GDAP1: variants seen among roughly 807,000 people sequenced by gnomAD.
GDAP1 encodes the protein ganglioside induced differentiation associated protein 1.
GDAP1 carries 34 observed loss-of-function variants against 40.1 expected under a neutral mutation model. That is an observed-to-expected ratio of 0.85 (90% CI 0.64 to 1.13). The LOEUF (loss-of-function observed/expected upper bound fraction) is 1.13. Among genes scored for constraint, GDAP1 ranks in the 50% most tolerant of loss-of-function variants. GDAP1 has a pLI of 0.00. For synonymous variants in GDAP1, 170 were observed against 157.4 expected, an observed-to-expected ratio of 1.08 and a Z score of -0.60; for missense variants, 374 against 433.7, an observed-to-expected ratio of 0.86 and a Z score of 1.22.
intron 2 of GDAP1, among the ~76,000 whole-genome samples, chr8:74,412,885 C>T (rs1257799692): frequency 7.6e-5 from 11 of 145,664 alleles, no homozygotes; most frequent in African/African-American, 2.2e-4. Flanking sequence ...GGTGAAACCC[C>T]GTCTCTACTA....
chr8:74,437,932 A>C (rs1013682784), intron 2 of GDAP1, among the ~76,000 whole-genome samples: 18 of 152,136 alleles, frequency 1.2e-4, no homozygotes, highest in African/African-American at 3.9e-4. Flanking sequence ...GCACATGTGC[A>C]CTTGTCCACA....
chr8:74,363,956 T>C, intron 5 of GDAP1, 29 bp from the exon 6 acceptor site: 2 of 1,610,714 alleles, frequency 1.2e-6, no homozygotes, highest in Non-Finnish European at 1.7e-6. Context: ...TGCTTGCCTC[T>C]AATTCTCTAT....
rs112829936 is a variant in GDAP1 at position 74,428,227 on chromosome 8, TAACAACAACAACAACAACAAC to T, written c.166-60445_166-60425del. On this transcript the variant is annotated intron_variant, in intron 2 of 2. Transcript: ENST00000523640. ...GGGCCACATAGTGAGACCCCATTGC[TAACAACAACAACAACAACAAC>T]AACAATAACAACAACAACAACAAAA... is the stretch of plus-strand genomic sequence containing the variant. Among the ~76,000 whole-genome samples, 1,177 of 151,366 alleles carry T rather than the reference TAACAACAACAACAACAACAAC, an allele frequency of 7.8e-3. 18 individuals carry two copies. The highest frequency in any genetic ancestry group is 0.028 in the African/African-American group (1,135 of 41,188).
At chr8:74,483,515 A>G (rs1274300091) in intron 2 of GDAP1, among the ~76,000 whole-genome samples, 1 of 152,148 alleles carries the variant, frequency 6.6e-6, no homozygotes, top group Non-Finnish European at 1.5e-5. Flanking sequence ...CTCTCAAGAT[A>G]AAGTATTGGA....
intron 2 of GDAP1, among the ~76,000 whole-genome samples, chr8:74,359,325 C>T (rs1397906155): frequency 1.3e-5 from 2 of 152,122 alleles, no homozygotes; most frequent in South Asian, 2.1e-4. Context: ...ATTTATTAAA[C>T]ACCTACTACA....
intron 2 of GDAP1, among the ~76,000 whole-genome samples, chr8:74,464,007 A>G (rs1806436468): frequency 6.6e-6 from 1 of 152,214 alleles, no homozygotes; most frequent in Non-Finnish European, 1.5e-5. Context: ...ACTAAAGGAA[A>G]TGTGGAGGAA....
At chr8:74,423,037 A>C (rs1016834271) in intron 2 of GDAP1, among the ~76,000 whole-genome samples, 14 of 147,986 alleles carry the variant, frequency 9.5e-5, no homozygotes, top group Non-Finnish European at 1.5e-4. Flanking sequence ...ACTATAATAT[A>C]TATGCTATTA....
At chr8:74,417,022 C>T (rs561426488) in intron 2 of GDAP1, among the ~76,000 whole-genome samples, 5 of 146,820 alleles carry the variant, frequency 3.4e-5, no homozygotes, top group East Asian at 2.0e-4. Flanking sequence ...CCCTGGTGCT[C>T]GTGAAGTTTC....
At chr8:74,437,252 G>C (rs1305085514) in intron 2 of GDAP1, among the ~76,000 whole-genome samples, 1 of 152,120 alleles carries the variant, frequency 6.6e-6, no homozygotes, top group Non-Finnish European at 1.5e-5. Context: ...AGATTACCTG[G>C]TTTAACTCTC....
rs746326231 is a variant in GDAP1 at position 74,364,979 on chromosome 8, A to G, written c.*612A>G. On this transcript the variant is annotated 3_prime_UTR_variant, in exon 6 of 6. Coordinates refer to ENST00000220822, the MANE Select transcript of GDAP1 (RefSeq NM_018972.4). ...TTAAGATGATTCCTTACCATTTCAG[A>G]TGGTCCGCAATTTGAATTACCAAGT... 5.1e-5 allele frequency: 23 copies of G among 453,968 alleles called. No individual in the cohort carries two copies. The highest frequency in any genetic ancestry group is 1.2e-4 in the Admixed American group (5 of 42,552). The allele number at this position is 453,968 out of a possible 1,614,324, so 28.1% of individuals were successfully genotyped here.
chr8:74,452,384 C>T lies in GDAP1; in HGVS notation c.166-36294C>T, dbSNP rs1454587439. 2.4e-5 allele frequency among the ~76,000 whole-genome samples: 2 copies of T among 83,476 alleles called. 1 individual carries two copies. Among genetic ancestry groups the T allele is most frequent in the African/African-American group, 1.0e-4 (2 of 19,090 alleles). The allele number at this position is 83,476 out of a possible 152,430, so 54.8% of individuals were successfully genotyped here. ...TTTTTGGTCCATGTTTCTCTTTCTT[C>T]AATGCATGGATTTCTAATTACACAT... is the stretch of plus-strand genomic sequence containing the variant. On this transcript the variant is annotated intron_variant, in intron 2 of 2. Coordinates refer to the GDAP1 transcript ENST00000523640.
chr8:74,390,241 T>C (rs549283512), intron 2 of GDAP1, among the ~76,000 whole-genome samples: 2 of 152,332 alleles, frequency 1.3e-5, no homozygotes, highest in Admixed American at 1.3e-4. Flanking sequence ...GGAGTTGTGA[T>C]CCTTTGGAGG....
intron 2 of GDAP1, among the ~76,000 whole-genome samples, chr8:74,463,509 C>T (rs1385452486): frequency 6.6e-6 from 1 of 151,716 alleles, no homozygotes. Context: ...ACACAATATG[C>T]TGGAATGTGT....
At chr8:74,391,293 C>A (rs1255836834) in intron 2 of GDAP1, among the ~76,000 whole-genome samples, 1 of 152,036 alleles carries the variant, frequency 6.6e-6, no homozygotes, top group African/African-American at 2.4e-5. Context: ...GTGCTTGAAA[C>A]CCAGGACCCT....
At chr8:74,413,422 A>G (rs891991068) in intron 2 of GDAP1, among the ~76,000 whole-genome samples, 2 of 149,806 alleles carry the variant, frequency 1.3e-5, no homozygotes, top group Non-Finnish European at 2.9e-5. Flanking sequence ...ATCAGTGGGG[A>G]TGTGGGGAGA....
chr8:74,456,262 G>A (rs1806335427), intron 2 of GDAP1, among the ~76,000 whole-genome samples: 1 of 151,920 alleles, frequency 6.6e-6, no homozygotes, highest in African/African-American at 2.4e-5. Context: ...AAGAGGCAAT[G>A]TTGGAATTTT....
At chr8:74,476,682 C>T (rs13265881) in intron 2 of GDAP1, among the ~76,000 whole-genome samples, 58,851 of 151,894 alleles carry the variant, frequency 0.39, 11,955 homozygotes, top group East Asian at 0.48. Flanking sequence ...CCTTTGTATA[C>T]GACCTGTCCT....
chr8:74,449,718 A>T (rs1456355839), intron 2 of GDAP1, among the ~76,000 whole-genome samples: 3 of 151,860 alleles, frequency 2.0e-5, no homozygotes, highest in African/African-American at 7.2e-5. Context: ...TATGTGCAGA[A>T]TCATGTCATC....
chr8:74,356,456 A>C (rs775532468), intron 2 of GDAP1, among the ~76,000 whole-genome samples: 1 of 152,114 alleles, frequency 6.6e-6, no homozygotes, highest in Non-Finnish European at 1.5e-5. Context: ...TTTATTGACA[A>C]TAATGCTATA....
Sources: gnomAD v4.1 joint callset for allele counts (sites outside exome capture counted in the v4.1 genomes callset) on GRCh38, gnomAD v4.1.1 for gene constraint, MANE v1.5 for transcripts, NCBI Gene and HGNC (gene_info 2026-07-23, HGNC 2026-07-21) for gene names.